SENP2: variants seen among roughly 807,000 people sequenced by gnomAD.
SENP2 encodes the protein SUMO specific peptidase 2.
Under a neutral mutation model 86.3 loss-of-function variants are expected in SENP2, and 16 were observed. That is an observed-to-expected ratio of 0.19 (90% confidence interval 0.13 to 0.28). The LOEUF (loss-of-function observed/expected upper bound fraction) is 0.28. Among genes scored for constraint, SENP2 ranks in the 10% least tolerant of loss-of-function variants. The pLI is 1.00. For synonymous variants in SENP2, 222 were observed against 238.7 expected, an observed-to-expected ratio of 0.93 and a Z score of 0.64; for missense variants, 552 against 703.0, an observed-to-expected ratio of 0.79 and a Z score of 2.43.
intron 16 of SENP2, among the ~76,000 whole-genome samples, chr3:185,629,298 T>G (rs1312260728): frequency 6.6e-6 from 1 of 152,144 alleles, no homozygotes; most frequent in Non-Finnish European, 1.5e-5. Flanking sequence ...GTAGGCCGCC[T>G]GTGGTGGCTT....
chr3:185,614,081 A>G (rs988526178), intron 10 of SENP2, among the ~76,000 whole-genome samples: 9 of 152,134 alleles, frequency 5.9e-5, no homozygotes, highest in African/African-American at 2.2e-4. Context: ...AATTGTGGTT[A>G]TATAGGTGTT....
intron 14 of SENP2, 87 bp downstream of exon 14, chr3:185,621,992 A>C: frequency 1.3e-6 from 1 of 796,946 alleles, no homozygotes; most frequent in South Asian, 1.6e-5. Flanking sequence ...ATGGTAGTCT[A>C]ATGTGTAGTT....
Position 185,614,310 on chromosome 3 carries a change from T to C in SENP2, c.934-254T>C, listed in dbSNP as rs540250016. On this transcript the variant is annotated intron_variant, in intron 10 of 16. Coordinates refer to ENST00000296257, the MANE Select transcript of SENP2 (RefSeq NM_021627.3). ...GTGATAGGAGAACTGAAAATACTTT[T>C]CTTGCTACTTCCAGGGAAGGTGGTG... Among the ~76,000 whole-genome samples the C allele has an allele frequency of 1.6e-3, 242 of 152,322 alleles. 2 individuals carry two copies. The highest frequency in any genetic ancestry group is 5.7e-3 in the African/African-American group (237 of 41,566).
At chr3:185,626,443 G>C in intron 16 of SENP2, 50 bp downstream of exon 16, 1 of 1,323,096 alleles carries the variant, frequency 7.6e-7, no homozygotes, top group Non-Finnish European at 1.1e-6. Context: ...GCAAGATAAG[G>C]CACTTGGCCA....
intron 2 of SENP2, among the ~76,000 whole-genome samples, chr3:185,592,033 T>TTTTTTTTTTTTTTTTTC (rs1722024020): frequency 8.8e-6 from 1 of 114,276 alleles, no homozygotes; most frequent in Non-Finnish European, 1.8e-5. Context: ...TTTTTTTTTT[T>TTTTTTTTTTTTTTTTTC]TGAGACAGGA....
At chr3:185,614,857 C>T in intron 11 of SENP2, 117 bp downstream of exon 11, 1 of 895,712 alleles carries the variant, frequency 1.1e-6, no homozygotes. Context: ...TATATGAAAA[C>T]ATGTCAGGTC....
At position 185,586,786 on chromosome 3, in the gene SENP2, G is replaced by C. The variant is rs1054524528; in HGVS notation, c.101+272G>C. ...AACAAATGGGGCTTTGCCGCTCTTA[G>C]GCTGAACACTAACATTGAAGGAATA... On this transcript the variant is annotated intron_variant, in intron 1 of 16. Coordinates refer to ENST00000296257, the MANE Select transcript of SENP2 (RefSeq NM_021627.3). This position sits in a 1 kb window ranked among gnomAD's most constrained non-coding sequence, Gnocchi z 4.3. Among the ~76,000 whole-genome samples, 1 of 152,204 alleles carries C rather than the reference G, an allele frequency of 6.6e-6. No individual in the cohort carries two copies. Among genetic ancestry groups the C allele is most frequent in the East Asian group, 1.9e-4 (1 of 5,196 alleles).
intron 4 of SENP2, among the ~76,000 whole-genome samples, chr3:185,599,918 C>T (rs1445945067): frequency 6.6e-6 from 1 of 151,566 alleles, no homozygotes; most frequent in Non-Finnish European, 1.5e-5. Context: ...CCTGCCTCAG[C>T]CTCCCGAGGA....
intron 2 of SENP2, among the ~76,000 whole-genome samples, chr3:185,592,839 G>T (rs535165933): frequency 6.2e-4 from 94 of 151,984 alleles, no homozygotes; most frequent in Non-Finnish European, 1.2e-3. Flanking sequence ...CTGGTCTCAA[G>T]CTCCTGACCT....
At chr3:185,611,137 G>A (rs1011007034) in intron 7 of SENP2, among the ~76,000 whole-genome samples, 1 of 151,966 alleles carries the variant, frequency 6.6e-6, no homozygotes, top group East Asian at 1.9e-4. Context: ...TTAACCAGGT[G>A]TAGTGGCGTG....
In SENP2 at chr3:185,629,748, G is replaced by T. The variant is rs370379342; in HGVS notation, c.1708-34G>T. 369 of 1,608,368 alleles carry T rather than the reference G, an allele frequency of 2.3e-4. 1 individual carries two copies. Among genetic ancestry groups the T allele is most frequent in the Middle Eastern group, 9.9e-4 (6 of 6,060 alleles). ...GTTGTGCTGCCATGCACATTAATATGTAATGCGGGCGTTGTTTATGGGGTT... is the reference window on the plus strand; with the variant it reads ...GTTGTGCTGCCATGCACATTAATATTTAATGCGGGCGTTGTTTATGGGGTT... On this transcript the variant is annotated intron_variant, in intron 16 of 16. Transcript: ENST00000296257.
intron 16 of SENP2, among the ~76,000 whole-genome samples, chr3:185,628,110 C>T (rs185151788): frequency 1.4e-4 from 22 of 152,184 alleles, no homozygotes; most frequent in Non-Finnish European, 2.6e-4. Context: ...GCCCCCACCC[C>T]TAGGGAGGAC....
intron 7 of SENP2, among the ~76,000 whole-genome samples, chr3:185,610,818 C>T (rs578020877): frequency 1.1e-4 from 17 of 152,204 alleles, no homozygotes; most frequent in African/African-American, 4.1e-4. Flanking sequence ...ATTAGCTGGG[C>T]ATGGTGGCTG....
rs1293255414 is a variant in SENP2 at position 185,630,348 on chromosome 3, C to T, written c.*504C>T. On this transcript the variant is annotated 3_prime_UTR_variant, in exon 17 of 17. Transcript: ENST00000296257. ...GCTGAAGAGCAGGAGGGAACTCTCA[C>T]TGGGGGCGGAAGGAAGTGGAGCTGG... 1 of 152,742 alleles carries T rather than the reference C, an allele frequency of 6.5e-6. No homozygotes were observed. Among genetic ancestry groups the T allele is most frequent in the Non-Finnish European group, 1.5e-5 (1 of 68,288 alleles). 9.5% of individuals were successfully genotyped at this position (152,742 alleles called of 1,614,324 possible).
At chr3:185,596,297 A>G (rs1039127147) in intron 2 of SENP2, among the ~76,000 whole-genome samples, 30 of 152,068 alleles carry the variant, frequency 2.0e-4, no homozygotes, top group African/African-American at 7.0e-4. Flanking sequence ...CTAGAGGGAT[A>G]GTCTTGTTCT....
chr3:185,588,530 A>C (rs1207781945), intron 1 of SENP2, among the ~76,000 whole-genome samples: 1 of 152,172 alleles, frequency 6.6e-6, no homozygotes, highest in Non-Finnish European at 1.5e-5. Context: ...ATATCAAGAA[A>C]AGTGGAAGAA....
At chr3:185,621,156 CA>C (rs1206042436) in intron 13 of SENP2, among the ~76,000 whole-genome samples, 12,041 of 39,198 alleles carry the variant, frequency 0.31, 361 homozygotes, top group Non-Finnish European at 0.32. Context: ...GATCTTGTCT[CA>C]AAAAAAAAAA....
At chr3:185,603,342 C>A (rs533772025) in intron 5 of SENP2, among the ~76,000 whole-genome samples, 1 of 152,166 alleles carries the variant, frequency 6.6e-6, no homozygotes, top group Admixed American at 6.5e-5. Flanking sequence ...ATGTATTGCA[C>A]TGAGAAAGAC....
chr3:185,601,189 AC>A (rs1722333486), intron 5 of SENP2, among the ~76,000 whole-genome samples: 1 of 150,538 alleles, frequency 6.6e-6, no homozygotes, highest in Non-Finnish European at 1.5e-5. Flanking sequence ...GATTACAGGC[AC>A]CCCCACACCA....
Sources: allele counts gnomAD v4.1 joint callset (sites outside exome capture counted in the v4.1 genomes callset), GRCh38; gene constraint gnomAD v4.1.1; non-coding constraint Gnocchi (gnomAD v3.1); transcripts MANE v1.5; gene names NCBI Gene and HGNC (gene_info 2026-07-23, HGNC 2026-07-21).